CADPS: variants seen among roughly 807,000 people sequenced by gnomAD.
The protein encoded by CADPS is calcium-dependent secretion activator 1.
A neutral mutation model predicts 167.3 loss-of-function variants in CADPS; 57 were observed. The observed-to-expected ratio is 0.34, with a 90% CI of 0.28 to 0.42. CADPS has a LOEUF of 0.42. Among genes scored for constraint, CADPS ranks in the 20% least tolerant of loss-of-function variants. The pLI is 1.00. For synonymous variants in CADPS, 676 were observed against 635.3 expected, an observed-to-expected ratio of 1.06 and a Z score of -0.96; for missense variants, 1,414 against 1,738.1, an observed-to-expected ratio of 0.81 and a Z score of 3.32.
At chr3:62,651,864 T>C (rs1392742729) in intron 4 of CADPS, among the ~76,000 whole-genome samples, 2 of 151,848 alleles carry the variant, frequency 1.3e-5, no homozygotes, top group Non-Finnish European at 2.9e-5. Context: ...CCATAACTGA[T>C]GGAGTGAGAA....
chr3:62,443,114 G>A (rs1187914592), intron 27 of CADPS, among the ~76,000 whole-genome samples: 7 of 152,096 alleles, frequency 4.6e-5, no homozygotes, highest in African/African-American at 1.4e-4. Context: ...CCAAATCAAG[G>A]TGTTTGTTTA....
At chr3:62,629,624 T>G (rs992034176) in intron 6 of CADPS, among the ~76,000 whole-genome samples, 2 of 152,226 alleles carry the variant, frequency 1.3e-5, no homozygotes, top group African/African-American at 4.8e-5. Context: ...ATTCTTTGTA[T>G]AAGACTCTCT....
chr3:62,705,743 C>T (rs2082198714), intron 3 of CADPS, among the ~76,000 whole-genome samples: 1 of 152,122 alleles, frequency 6.6e-6, no homozygotes, highest in Non-Finnish European at 1.5e-5. Flanking sequence ...TGCAGATGGC[C>T]TATTGTGGGA....
intron 3 of CADPS, among the ~76,000 whole-genome samples, chr3:62,715,044 T>C (rs760888136): frequency 1.1e-4 from 16 of 152,204 alleles, no homozygotes; most frequent in Admixed American, 2.6e-4. Context: ...TGCCTATGAC[T>C]ATGGGTGGTT....
In CADPS at chr3:62,732,253, G is replaced by A. The variant is rs112637501; in HGVS notation, c.888+21188C>T. Among the ~76,000 whole-genome samples the A allele has an allele frequency of 3.8e-3, 573 of 152,282 alleles. 8 individuals carry two copies. Among genetic ancestry groups the A allele is most frequent in the African/African-American group, 0.013 (547 of 41,546 alleles). Reference sequence around the variant, plus strand: ...CCGTGGAATGTCACTTCAGTGATTAGGTTAGAAAAGCCTGTGACTGCTGTA... The same window carrying A: ...CCGTGGAATGTCACTTCAGTGATTAAGTTAGAAAAGCCTGTGACTGCTGTA... On this transcript the variant is annotated intron_variant, in intron 3 of 29. Transcript: ENST00000383710.
intron 3 of CADPS, among the ~76,000 whole-genome samples, chr3:62,670,386 G>A (rs913935531): frequency 2.0e-5 from 3 of 152,108 alleles, no homozygotes; most frequent in Non-Finnish European, 1.5e-5. Context: ...AATCATCCAA[G>A]GAGATGATAC....
chr3:62,760,884 A>T (rs1326166813), intron 2 of CADPS, among the ~76,000 whole-genome samples: 1 of 152,218 alleles, frequency 6.6e-6, no homozygotes, highest in East Asian at 1.9e-4. Flanking sequence ...TTCTGATAAT[A>T]GTACCTCAGT....
At chr3:62,696,702 C>A (rs1234579418) in intron 3 of CADPS, among the ~76,000 whole-genome samples, 4 of 152,044 alleles carry the variant, frequency 2.6e-5, no homozygotes, top group African/African-American at 9.7e-5. Context: ...ATATTGCTAA[C>A]AATTCTTGAT....
chr3:62,700,700 G>A (rs906710050), intron 3 of CADPS, among the ~76,000 whole-genome samples: 16 of 151,992 alleles, frequency 1.1e-4, no homozygotes, highest in Admixed American at 7.2e-4. Flanking sequence ...TTGTCACAGC[G>A]ACTCTATGAA....
intron 6 of CADPS, among the ~76,000 whole-genome samples, chr3:62,610,492 C>T (rs1029129089): frequency 6.6e-6 from 1 of 152,132 alleles, no homozygotes; most frequent in African/African-American, 2.4e-5. Flanking sequence ...CTCAAGTGAT[C>T]CACCCACCTC....
rs1485185086 is a variant in CADPS at position 62,420,077 on chromosome 3, C to CATA, written c.3778-16895_3778-16893dup. Among the ~76,000 whole-genome samples the CATA allele has an allele frequency of 9.2e-5, 14 of 152,068 alleles. No individual in the cohort carries two copies. Among genetic ancestry groups the CATA allele is most frequent in the Admixed American group, 7.9e-4 (12 of 15,264 alleles). On this transcript the variant is annotated intron_variant, in intron 28 of 29. Coordinates refer to ENST00000383710, the MANE Select transcript of CADPS (RefSeq NM_003716.4). The surrounding 1 kb of genome is among the most constrained non-coding windows in gnomAD (Gnocchi z 4.1). ...TACAAAAGCATGGTCTATGTATGTA[C>CATA]ATAATTTCCAGGCTATTACATGGAA...
At chr3:62,692,136 G>A (rs2079253006) in intron 3 of CADPS, among the ~76,000 whole-genome samples, 1 of 151,634 alleles carries the variant, frequency 6.6e-6, no homozygotes, top group African/African-American at 2.4e-5. Context: ...CCTCAAACTG[G>A]TCAACATCTG....
intron 6 of CADPS, among the ~76,000 whole-genome samples, chr3:62,633,188 G>T (rs1336918192): frequency 1.3e-5 from 2 of 152,156 alleles, no homozygotes; most frequent in Non-Finnish European, 2.9e-5. Context: ...ATGAAAAGGA[G>T]AGAGTTTGGG....
Position 62,703,451 on chromosome 3 carries a change from T to C in CADPS, c.889-41057A>G, listed in dbSNP as rs138516426. 3.3e-3 allele frequency among the ~76,000 whole-genome samples: 496 copies of C among 152,250 alleles called. 3 individuals are homozygous for C. The highest frequency in any genetic ancestry group is 6.1e-3 in the Non-Finnish European group (417 of 68,022). On this transcript the variant is annotated intron_variant, in intron 3 of 29. Transcript: ENST00000383710. ...TTAGAGCTCACAGCCAGGGACTCTG[T>C]TGTGTGGATTTGAGAATGCTTCTGG...
Position 62,647,143 on chromosome 3 carries a change from T to C in CADPS, c.1204-1300A>G, listed in dbSNP as rs9816092. On this transcript the variant is annotated intron_variant, in intron 5 of 29. Transcript: ENST00000383710. ...ATGACTCACATCAGAGATATACAAT[T>C]AGTCCTTATACATGAAAAAATCATT... is the stretch of plus-strand genomic sequence containing the variant. Among the ~76,000 whole-genome samples the C allele has an allele frequency of 7.3e-3, 1,110 of 152,280 alleles. 15 individuals carry two copies. The highest frequency in any genetic ancestry group is 0.022 in the African/African-American group (907 of 41,548).
chr3:62,798,828 C>T (rs961947543), intron 1 of CADPS, among the ~76,000 whole-genome samples: 4 of 152,074 alleles, frequency 2.6e-5, no homozygotes, highest in African/African-American at 9.7e-5. Flanking sequence ...AGATTATGAA[C>T]AAGGATCTCA....
Position 62,519,025 on chromosome 3 carries a change from T to G in CADPS, c.2292-775A>C, listed in dbSNP as rs560844652. Among the ~76,000 whole-genome samples the G allele has an allele frequency of 3.3e-5, 5 of 152,322 alleles. No homozygotes were observed. In the South Asian group the frequency reaches 8.3e-4, roughly 25 times the overall value. ...CTCATGGTTCTGTGTCATCTTTAGGTGCATACATATATACTCTATTTGTTA... is the reference window on the plus strand; with the variant it reads ...CTCATGGTTCTGTGTCATCTTTAGGGGCATACATATATACTCTATTTGTTA... On this transcript the variant is annotated intron_variant, in intron 13 of 29. Coordinates refer to ENST00000383710, the MANE Select transcript of CADPS (RefSeq NM_003716.4).
intron 26 of CADPS, among the ~76,000 whole-genome samples, chr3:62,461,562 T>C (rs932527714): frequency 1.3e-5 from 2 of 152,210 alleles, no homozygotes; most frequent in African/African-American, 4.8e-5. Context: ...ACCGTGTTTA[T>C]GTGGCCTCCA....
Position 62,399,526 on chromosome 3 carries a change from G to A in CADPS, c.3942C>T (p.Thr1314=), listed in dbSNP as rs1393156302. ...GVLDSTLNSK[T]YETIRNRLTV... The stretch of plus-strand genomic sequence containing the variant: ...TGAGACGGTTCCGGATCGTTTCATA[G>A]GTCTTGCTGTTTAAGGTGGAGTCCA... The change falls in exon 30 of 30, where the codon ACC becomes ACT. Residue 1314 remains threonine (T), a synonymous_variant. Coordinates refer to ENST00000383710, the MANE Select transcript of CADPS (RefSeq NM_003716.4). This position sits in a 1 kb window ranked among gnomAD's most constrained non-coding sequence, Gnocchi z 5.6. 1.9e-6 allele frequency: 3 copies of A among 1,614,078 alleles called. No homozygotes were observed. Among genetic ancestry groups the A allele is most frequent in the East Asian group, 2.2e-5 (1 of 44,878 alleles).
Sources: allele counts gnomAD v4.1 joint callset (sites outside exome capture counted in the v4.1 genomes callset), GRCh38; gene constraint gnomAD v4.1.1; non-coding constraint Gnocchi (gnomAD v3.1); transcripts MANE v1.5; gene names NCBI Gene and HGNC (gene_info 2026-07-23, HGNC 2026-07-21).